PTGFRN: variants seen among roughly 807,000 people sequenced by gnomAD.
PTGFRN encodes prostaglandin F2 receptor negative regulator.
Under a neutral mutation model 83.2 loss-of-function variants are expected in PTGFRN, and 35 were observed. The observed-to-expected ratio is 0.42, with a 90% CI of 0.32 to 0.56. The LOEUF is 0.56. PTGFRN is among the 20% of genes least tolerant of loss of function. PTGFRN has a pLI of 0.11. For synonymous variants in PTGFRN, 519 were observed against 498.6 expected (o/e 1.04, Z -0.55); for missense variants, 1,051 against 1,179.5 (o/e 0.89, Z 1.60).
At chr1:116,910,466 G>C (rs1325775649) in intron 1 of PTGFRN, among the ~76,000 whole-genome samples, 2 of 151,282 alleles carry the variant, frequency 1.3e-5, no homozygotes, top group Non-Finnish European at 3.0e-5. Context: ...CCCGCGCGCG[G>C]GGTGCAAGTG....
intron 8 of PTGFRN, 98 bp from the exon 9 acceptor site, chr1:116,986,703 G>C: frequency 8.2e-7 from 1 of 1,222,080 alleles, no homozygotes; most frequent in Non-Finnish European, 1.2e-6. Context: ...CTTATCTCTC[G>C]GGAGATCCTG....
chr1:116,987,220 T>C lies in PTGFRN; in HGVS notation c.*253T>C, dbSNP rs1156318353. ...TGTTTTCCCAACTGCAGCTTTTTAA[T>C]GGTTAACCTTCATCTAATTTTTTTT... On this transcript the variant is annotated 3_prime_UTR_variant, in exon 9 of 9. Coordinates refer to ENST00000393203, the MANE Select transcript of PTGFRN (RefSeq NM_020440.4). 2 of 431,570 alleles carry C rather than the reference T, an allele frequency of 4.6e-6. No individual in the cohort carries two copies. The highest frequency in any genetic ancestry group is 2.0e-5 in the African/African-American group (1 of 50,094). The allele number at this position is 431,570 out of a possible 1,614,324, so 26.7% of individuals were successfully genotyped here.
rs1055749568 is a variant in PTGFRN at position 116,990,216 on chromosome 1, T to C, written c.*3249T>C. The C allele has an allele frequency of 6.6e-6, 1 of 152,668 alleles. No homozygotes were observed. Among genetic ancestry groups the C allele is most frequent in the African/African-American group, 2.4e-5 (1 of 41,454 alleles). 9.5% of individuals were successfully genotyped at this position (152,668 alleles called of 1,614,324 possible). A position where few individuals can be genotyped will look rare whatever the true frequency, so the allele number is the denominator to read the frequency against. Reference sequence around the variant, plus strand: ...ACATAAGGATCTGCAGAATTTTCCGTAGACAAAGAAAGGATCTTGTGTATT... The same window carrying C: ...ACATAAGGATCTGCAGAATTTTCCGCAGACAAAGAAAGGATCTTGTGTATT... On this transcript the variant is annotated 3_prime_UTR_variant, in exon 9 of 9. Transcript: ENST00000393203.
rs1432797281 is a variant in PTGFRN, at chr1:116,932,794, A to G, written c.50-8921A>G. ...TACTCAGATTAAAGACAAAAAATCA[A>G]CAGAGGATGATAATATATAATGCAA... On this transcript the variant is annotated intron_variant, in intron 1 of 8. Transcript: ENST00000393203. Among the ~76,000 whole-genome samples, 4 of 152,242 alleles carry G rather than the reference A, an allele frequency of 2.6e-5. No homozygotes were observed. In the East Asian group the frequency reaches 7.7e-4, roughly 29 times the overall value.
chr1:116,922,100 T>C (rs1649550260), intron 1 of PTGFRN, among the ~76,000 whole-genome samples: 1 of 152,048 alleles, frequency 6.6e-6, no homozygotes, highest in African/African-American at 2.4e-5. Context: ...AAAGTCACCC[T>C]GAAAGATGTT....
In PTGFRN at chr1:116,949,462, C is replaced by G; in HGVS notation, c.1103C>G (p.Ser368Cys). Residue 368 changes from serine to cysteine, a missense_variant, in exon 4 of 9, where the codon TCT becomes TGT. By Grantham distance (112) the Ser-to-Cys change is moderately radical (BLOSUM62 -1). This residue lies in a region of PTGFRN where 719 missense variants were observed against 836.6 expected (regional missense o/e 0.86). Transcript: ENST00000393203. ...GTTCGGGATGTTAGCAAAGAAAACT[C>G]TGGCTACTATTACTGCCACGTGTCC... is the stretch of plus-strand genomic sequence containing the variant. Reference protein sequence around the residue: ...LLVRDVSKENSGYYYCHVSLW... With the variant: ...LLVRDVSKENCGYYYCHVSLW... The G allele has an allele frequency of 6.2e-7, 1 of 1,614,258 alleles. No homozygotes were observed. Among genetic ancestry groups the G allele is most frequent in the South Asian group, 1.1e-5 (1 of 91,086 alleles).
At chr1:116,947,134 G>A (rs1351434035) in intron 3 of PTGFRN, among the ~76,000 whole-genome samples, 1 of 152,184 alleles carries the variant, frequency 6.6e-6, no homozygotes, top group Non-Finnish European at 1.5e-5. Flanking sequence ...TGTCACACTA[G>A]GCTGATGGTC....
intron 1 of PTGFRN, among the ~76,000 whole-genome samples, chr1:116,926,928 A>G (rs572956483): frequency 6.6e-6 from 1 of 152,336 alleles, no homozygotes; most frequent in South Asian, 2.1e-4. Context: ...AAGCACTGGC[A>G]GGTGGACAAG....
At chr1:116,953,853 C>CTTTTTTT (rs531278323) in intron 4 of PTGFRN, among the ~76,000 whole-genome samples, 2 of 135,044 alleles carry the variant, frequency 1.5e-5, no homozygotes, top group Non-Finnish European at 3.2e-5. Context: ...ATGAATATTT[C>CTTTTTTT]TTTTTTTTTT....
chr1:116,927,543 T>TCC (rs1649686437), intron 1 of PTGFRN, among the ~76,000 whole-genome samples: 1 of 148,314 alleles, frequency 6.7e-6, no homozygotes, highest in Non-Finnish European at 1.5e-5. Context: ...TTTTTTTTTT[T>TCC]TGATACAGGG....
chr1:116,955,882 A>C (rs1278770622), intron 4 of PTGFRN, among the ~76,000 whole-genome samples: 1 of 152,198 alleles, frequency 6.6e-6, no homozygotes, highest in East Asian at 1.9e-4. Flanking sequence ...AAACCCTTAG[A>C]GAGCAGGGAG....
At position 116,910,069 on chromosome 1, in the gene PTGFRN, C is replaced by T. The variant is rs904326120; in HGVS notation, c.-135C>T. On this transcript the variant is annotated 5_prime_UTR_variant, in exon 1 of 9. Transcript: ENST00000393203. ...GCCCCAGCGCTGGGATTTATCGGCTCGCGAGGAGAGCGGAGCAGGCGCGCG... is the reference window on the plus strand; with the variant it reads ...GCCCCAGCGCTGGGATTTATCGGCTTGCGAGGAGAGCGGAGCAGGCGCGCG... The T allele has an allele frequency of 2.4e-5, 23 of 977,114 alleles. No individual in the cohort carries two copies. Among genetic ancestry groups the T allele is most frequent in the African/African-American group, 1.0e-4 (6 of 59,478 alleles). 60.5% of individuals were successfully genotyped at this position (977,114 alleles called of 1,614,324 possible).
intron 6 of PTGFRN, 33 bp from the exon 7 acceptor site, chr1:116,974,183 A>G (rs1401687543): frequency 6.8e-7 from 1 of 1,472,640 alleles, no homozygotes; most frequent in East Asian, 2.3e-5. Context: ...AGCATGAAAG[A>G]GAATAATGAG....
chr1:116,960,639 C>G (rs1368461661), intron 4 of PTGFRN, among the ~76,000 whole-genome samples: 2 of 152,090 alleles, frequency 1.3e-5, no homozygotes, highest in Admixed American at 1.3e-4. Flanking sequence ...TGCTTATTGA[C>G]CACTGAACAC....
intron 7 of PTGFRN, 82 bp downstream of exon 7, chr1:116,974,405 G>T: frequency 9.3e-7 from 1 of 1,079,050 alleles, no homozygotes. Flanking sequence ...TTACACAGAT[G>T]TGGGTTAGGG....
chr1:116,949,778 C>T (rs1450747391), intron 4 of PTGFRN, among the ~76,000 whole-genome samples: 3 of 152,198 alleles, frequency 2.0e-5, no homozygotes, highest in African/African-American at 7.2e-5. Flanking sequence ...AATGTGGCCT[C>T]AGTTGTCTCA....
rs1255059974 is a variant in PTGFRN, at chr1:116,961,946, T to C, written c.1639+278T>C. The stretch of plus-strand genomic sequence containing the variant: ...CTCTGAATGTTTCTTTTCTCTTTCT[T>C]GCATTAAACATGGTGACTCTGAGGA... On this transcript the variant is annotated intron_variant, in intron 5 of 8. Transcript: ENST00000393203. The surrounding 1 kb of genome is among the most constrained non-coding windows in gnomAD (Gnocchi z 5.4). Among the ~76,000 whole-genome samples the C allele has an allele frequency of 6.6e-6, 1 of 151,776 alleles. No homozygotes were observed. Among genetic ancestry groups the C allele is most frequent in the Non-Finnish European group, 1.5e-5 (1 of 67,926 alleles).
intron 7 of PTGFRN, among the ~76,000 whole-genome samples, chr1:116,977,200 C>T (rs1175864912): frequency 5.9e-5 from 9 of 152,184 alleles, no homozygotes; most frequent in Non-Finnish European, 1.3e-4. Context: ...GCACCCAATA[C>T]AGGAGCACCT....
intron 5 of PTGFRN, among the ~76,000 whole-genome samples, chr1:116,966,305 T>C (rs918742699): frequency 2.0e-5 from 3 of 152,244 alleles, no homozygotes; most frequent in Non-Finnish European, 4.4e-5. Context: ...AATTAAAGTG[T>C]AAAGCAAGTG....
Sources: allele counts gnomAD v4.1 joint callset (sites outside exome capture counted in the v4.1 genomes callset), GRCh38; gene constraint gnomAD v4.1.1; regional missense constraint gnomAD v4.1.1; non-coding constraint Gnocchi (gnomAD v3.1); transcripts MANE v1.5; gene names NCBI Gene and HGNC (gene_info 2026-07-23, HGNC 2026-07-21).